PHACTR1: variants seen among roughly 807,000 people sequenced by gnomAD.
PHACTR1 encodes RPEL repeat containing 1.
A neutral mutation model predicts 69.2 loss-of-function variants in PHACTR1; 16 were observed. The ratio of observed to expected loss-of-function variants is 0.23; its 90% CI spans 0.16 to 0.35. PHACTR1 has a LOEUF of 0.35. PHACTR1 is among the 10% of genes least tolerant of loss of function. The pLI is 1.00. For missense variants in PHACTR1, 510 were observed against 734.7 expected, an observed-to-expected ratio of 0.69 and a Z score of 3.54; for synonymous variants, 312 against 284.5, an observed-to-expected ratio of 1.10 and a Z score of -0.97.
intron 10 of PHACTR1, among the ~76,000 whole-genome samples, chr6:13,243,578 G>A (rs1470967157): frequency 6.7e-6 from 1 of 149,036 alleles, no homozygotes. Context: ...TCTTTAATGA[G>A]TTTCTTTTAA....
chr6:12,996,402 A>G (rs1797417573), intron 4 of PHACTR1, among the ~76,000 whole-genome samples: 1 of 152,186 alleles, frequency 6.6e-6, no homozygotes, highest in Non-Finnish European at 1.5e-5. Context: ...AGATAATTTT[A>G]AAATAACTGA....
chr6:12,857,134 A>AT (rs1487452315), intron 4 of PHACTR1, among the ~76,000 whole-genome samples: 3 of 152,210 alleles, frequency 2.0e-5, no homozygotes, highest in African/African-American at 7.2e-5. Flanking sequence ...AGTAAATCAA[A>AT]TGCTCATTTT....
intron 5 of PHACTR1, among the ~76,000 whole-genome samples, chr6:13,067,405 T>C (rs1184801876): frequency 6.6e-6 from 1 of 152,212 alleles, no homozygotes; most frequent in Non-Finnish European, 1.5e-5. Flanking sequence ...ATAATTCTTC[T>C]ACACATAACA....
chr6:12,987,082 A>G (rs1258444727), intron 4 of PHACTR1, among the ~76,000 whole-genome samples: 1 of 152,218 alleles, frequency 6.6e-6, no homozygotes, highest in Non-Finnish European at 1.5e-5. Flanking sequence ...TACACATATA[A>G]GTGTATATGA....
rs1273482635 is a variant in PHACTR1, at chr6:13,051,253, C to A, written c.251-2112C>A. On this transcript the variant is annotated intron_variant, in intron 4 of 14. Coordinates refer to ENST00000332995, the MANE Select transcript of PHACTR1 (RefSeq NM_030948.6). ...GTTTGCTGTCTGCCCTTCACCCTACCTCTGCATGTGAGCTCTATGAGTTGG... is the reference window on the plus strand; with the variant it reads ...GTTTGCTGTCTGCCCTTCACCCTACATCTGCATGTGAGCTCTATGAGTTGG... 3.3e-5 allele frequency among the ~76,000 whole-genome samples: 5 copies of A among 152,260 alleles called. No homozygotes were observed. The East Asian group carries it at 9.6e-4, about 29-fold the overall frequency.
intron 3 of PHACTR1, among the ~76,000 whole-genome samples, chr6:12,722,329 C>T (rs768602269): frequency 1.3e-5 from 2 of 152,176 alleles, no homozygotes; most frequent in Non-Finnish European, 2.9e-5. Context: ...TCTCATTTCC[C>T]ACATGACAGC....
At chr6:13,171,974 C>A (rs545167645) in intron 6 of PHACTR1, among the ~76,000 whole-genome samples, 1 of 152,228 alleles carries the variant, frequency 6.6e-6, no homozygotes, top group Non-Finnish European at 1.5e-5. Context: ...ACCGTGTTGG[C>A]CAGGCTGGTC....
chr6:12,723,974 C>A (rs1312617337), intron 3 of PHACTR1, among the ~76,000 whole-genome samples: 2 of 152,218 alleles, frequency 1.3e-5, no homozygotes, highest in African/African-American at 2.4e-5. Flanking sequence ...ATAACTTTCT[C>A]TATCTAGGTC....
At chr6:12,730,400 A>C (rs1221944841) in intron 3 of PHACTR1, among the ~76,000 whole-genome samples, 1 of 152,080 alleles carries the variant, frequency 6.6e-6, no homozygotes, top group Non-Finnish European at 1.5e-5. Flanking sequence ...ATTATTGCAA[A>C]TTCTGGCTTG....
At chr6:13,110,236 T>C (rs537910562) in intron 5 of PHACTR1, among the ~76,000 whole-genome samples, 1 of 152,302 alleles carries the variant, frequency 6.6e-6, no homozygotes, top group African/African-American at 2.4e-5. Context: ...ATTTTAGTTC[T>C]GTATAGAGTA....
intron 10 of PHACTR1, among the ~76,000 whole-genome samples, chr6:13,269,142 A>G (rs1432243818): frequency 6.6e-6 from 1 of 152,002 alleles, no homozygotes; most frequent in Non-Finnish European, 1.5e-5. Flanking sequence ...CTCCAAATGT[A>G]GGCGCCACCC....
chr6:12,803,708 G>A (rs1773965395), intron 4 of PHACTR1, among the ~76,000 whole-genome samples: 1 of 152,158 alleles, frequency 6.6e-6, no homozygotes, highest in Non-Finnish European at 1.5e-5. Flanking sequence ...TTGACATTTT[G>A]GGCGGGATAA....
intron 5 of PHACTR1, among the ~76,000 whole-genome samples, chr6:13,108,710 C>T (rs748744298): frequency 6.6e-6 from 1 of 151,778 alleles, no homozygotes; most frequent in Non-Finnish European, 1.5e-5. Context: ...ATCTTTATAC[C>T]ATTCTTTTAC....
At chr6:13,229,977 G>A in intron 9 of PHACTR1, 60 bp from the exon 10 acceptor site, 1 of 1,504,554 alleles carries the variant, frequency 6.6e-7, no homozygotes, top group Non-Finnish European at 8.9e-7. Flanking sequence ...CCCAGGGTTG[G>A]CCCTGTGGGA....
chr6:13,053,844 C>T (rs958298547), intron 5 of PHACTR1, among the ~76,000 whole-genome samples: 1 of 152,108 alleles, frequency 6.6e-6, no homozygotes, highest in African/African-American at 2.4e-5. Flanking sequence ...GTTGATGATG[C>T]GTTTATTATA....
At position 13,182,626 on chromosome 6, in the gene PHACTR1, A is replaced by G. The variant is rs1266537544; in HGVS notation, c.604A>G (p.Met202Val). Reference protein sequence around the residue: ...PALSEMEPVPMPRDPCSYEVL... With the variant: ...PALSEMEPVPVPRDPCSYEVL... ...CCTGTCCGAAATGGAGCCAGTCCCAATGCCCAGGGATCCCTGCTCATATGA... is the reference window on the plus strand; with the variant it reads ...CCTGTCCGAAATGGAGCCAGTCCCAGTGCCCAGGGATCCCTGCTCATATGA... Residue 202 changes from methionine to valine, a missense_variant, in exon 7 of 15, where the codon ATG becomes GTG. By Grantham distance (21) the Met-to-Val change is conservative. Coordinates refer to ENST00000332995, the MANE Select transcript of PHACTR1 (RefSeq NM_030948.6). 6.2e-7 allele frequency: 1 copy of G among 1,609,786 alleles called. No individual in the cohort carries two copies. The highest frequency in any genetic ancestry group is 8.5e-7 in the Non-Finnish European group (1 of 1,178,052).
chr6:13,068,578 T>G (rs1057235854), intron 5 of PHACTR1, among the ~76,000 whole-genome samples: 1 of 152,198 alleles, frequency 6.6e-6, no homozygotes, highest in Non-Finnish European at 1.5e-5. Context: ...AGTGTTCATT[T>G]CAGTGCTGAG....
chr6:13,170,498 A>G (rs1287428389), intron 6 of PHACTR1, among the ~76,000 whole-genome samples: 2 of 152,184 alleles, frequency 1.3e-5, no homozygotes, highest in Admixed American at 1.3e-4. Context: ...AGCCACTGAC[A>G]TGCATTGACC....
intron 3 of PHACTR1, among the ~76,000 whole-genome samples, chr6:12,744,069 C>T (rs534658316): frequency 1.3e-5 from 2 of 152,260 alleles, no homozygotes; most frequent in African/African-American, 2.4e-5. Flanking sequence ...GGGTACATCA[C>T]GAAATGAAGG....
Sources: gnomAD v4.1 joint callset for allele counts (sites outside exome capture counted in the v4.1 genomes callset) on GRCh38, gnomAD v4.1.1 for gene constraint, MANE v1.5 for transcripts, NCBI Gene and HGNC (gene_info 2026-07-23, HGNC 2026-07-21) for gene names.